Variants in METTL16 observed in about 807,000 individuals in gnomAD.
METTL16 encodes RNA N(6)-adenosine-methyltransferase METTL16.
METTL16 carries 19 observed loss-of-function variants against 57.9 expected under a neutral mutation model. That is an observed-to-expected ratio of 0.33 (90% CI 0.23 to 0.48). The LOEUF (loss-of-function observed/expected upper bound fraction) is 0.48. Among genes scored for constraint, METTL16 ranks in the 20% least tolerant of loss-of-function variants. METTL16 has a pLI of 0.99. For missense variants in METTL16, 434 were observed against 691.5 expected (o/e 0.63, Z 4.18); for synonymous variants, 246 against 255.6 (o/e 0.96, Z 0.36).
intron 1 of METTL16, among the ~76,000 whole-genome samples, chr17:2,506,709 C>G (rs4346235): frequency 0.56 from 84,214 of 151,396 alleles, 26,296 homozygotes; most frequent in Non-Finnish European, 0.72. Context: ...AGCCGCCACC[C>G]CGTCTGGGAA....
chr17:2,456,621 C>G (rs1439593107), intron 6 of METTL16, among the ~76,000 whole-genome samples: 1 of 152,082 alleles, frequency 6.6e-6, no homozygotes, highest in Non-Finnish European at 1.5e-5. Context: ...ACTATAGGAA[C>G]ATGCCACCAC....
chr17:2,448,681 AC>A (rs1305102866), intron 6 of METTL16, among the ~76,000 whole-genome samples: 5 of 118,564 alleles, frequency 4.2e-5, no homozygotes, highest in Non-Finnish European at 8.4e-5. Context: ...CCTTCCCTCC[AC>A]TATTGTCCTA....
chr17:2,484,026 G>C (rs1287397714), intron 2 of METTL16, among the ~76,000 whole-genome samples: 1 of 152,132 alleles, frequency 6.6e-6, no homozygotes, highest in Non-Finnish European at 1.5e-5. Context: ...ATGTTCAAAG[G>C]CTTAATATCT....
chr17:2,507,997 C>T (rs2067559855), intron 1 of METTL16, among the ~76,000 whole-genome samples: 1 of 152,058 alleles, frequency 6.6e-6, no homozygotes, highest in African/African-American at 2.4e-5. Flanking sequence ...TGCGGAAGGC[C>T]GCAGGGTTCT....
At chr17:2,482,812 G>C (rs947295650) in intron 2 of METTL16, among the ~76,000 whole-genome samples, 2 of 152,164 alleles carry the variant, frequency 1.3e-5, no homozygotes, top group African/African-American at 4.8e-5. Flanking sequence ...CGCTACGCAG[G>C]AGGCAGGAGG....
Position 2,465,336 on chromosome 17 carries a change from G to A in METTL16, c.586-986C>T, listed in dbSNP as rs2067184327. Among the ~76,000 whole-genome samples the A allele has an allele frequency of 2.0e-5, 3 of 151,666 alleles. No homozygotes were observed. The South Asian group carries it at 6.3e-4, about 32-fold the overall frequency. On this transcript the variant is annotated intron_variant, in intron 5 of 9. Coordinates refer to ENST00000263092, the MANE Select transcript of METTL16 (RefSeq NM_024086.4). Reference sequence around the variant, plus strand: ...AGGCGGGAGGATCACGAGGTCAGGAGATTGAGACCATCCTGGCTAACAAAG... The same window carrying A: ...AGGCGGGAGGATCACGAGGTCAGGAAATTGAGACCATCCTGGCTAACAAAG...
intron 7 of METTL16, among the ~76,000 whole-genome samples, chr17:2,439,118 A>AT (rs1567885819): frequency 6.6e-6 from 1 of 151,884 alleles, no homozygotes. Context: ...TTAAAAGAAA[A>AT]TTTTTTGGGG....
Position 2,453,435 on chromosome 17 carries a change from GGT to G in METTL16, c.728+10771_728+10772del, listed in dbSNP as rs2067085324. 4.6e-5 allele frequency among the ~76,000 whole-genome samples: 7 copies of G among 152,168 alleles called. No individual in the cohort carries two copies. The South Asian group carries it at 1.5e-3, about 32-fold the overall frequency. ...CTGATTTTACACAGTCCCTCAACTG[GGT>G]GTGTCTGAAGTTTCCACGTCATTGG... is the stretch of plus-strand genomic sequence containing the variant. On this transcript the variant is annotated intron_variant, in intron 6 of 9. Transcript: ENST00000263092.
intron 6 of METTL16, among the ~76,000 whole-genome samples, chr17:2,447,899 TGG>T (rs1419905351): frequency 8.7e-5 from 1 of 11,438 alleles, no homozygotes; most frequent in Admixed American, 8.5e-4. Flanking sequence ...GGGAGGGAGG[TGG>T]GGGGGGTCAG....
intron 5 of METTL16, among the ~76,000 whole-genome samples, chr17:2,466,527 T>C (rs1225173283): frequency 6.6e-6 from 1 of 152,152 alleles, no homozygotes; most frequent in Non-Finnish European, 1.5e-5. Context: ...GCCAATGAAC[T>C]TTCTTTGTCG....
At chr17:2,471,702 G>A (rs1401449583) in intron 4 of METTL16, among the ~76,000 whole-genome samples, 1 of 151,970 alleles carries the variant, frequency 6.6e-6, no homozygotes, top group Non-Finnish European at 1.5e-5. Flanking sequence ...GCAGGAGAAT[G>A]GTGTGAACCC....
In METTL16 at chr17:2,492,099, T is replaced by C. The variant is rs537910070; in HGVS notation, c.128+10105A>G. ...GGTGGCGGGTGCCTGTAGTCCCAGCTACTCGGGAGGCTGAGGTAGGAGAAT... is the reference window on the plus strand; with the variant it reads ...GGTGGCGGGTGCCTGTAGTCCCAGCCACTCGGGAGGCTGAGGTAGGAGAAT... On this transcript the variant is annotated intron_variant, in intron 2 of 9. Coordinates refer to ENST00000263092, the MANE Select transcript of METTL16 (RefSeq NM_024086.4). Among the ~76,000 whole-genome samples, 16 of 150,822 alleles carry C rather than the reference T, an allele frequency of 1.1e-4. No homozygotes were observed. In the East Asian group the frequency reaches 2.0e-3, roughly 18 times the overall value.
intron 4 of METTL16, among the ~76,000 whole-genome samples, chr17:2,471,315 G>T (rs2067233037): frequency 6.6e-6 from 1 of 152,156 alleles, no homozygotes; most frequent in Non-Finnish European, 1.5e-5. Context: ...GGGATTACAT[G>T]CATGCGCCAC....
intron 6 of METTL16, among the ~76,000 whole-genome samples, chr17:2,451,631 A>G (rs558509524): frequency 6.8e-4 from 103 of 151,280 alleles, no homozygotes; most frequent in Admixed American, 3.1e-3. Flanking sequence ...CAAAAAAAAA[A>G]AAAGAAAAGA....
chr17:2,464,812 T>G (rs1375958903), intron 5 of METTL16, among the ~76,000 whole-genome samples: 1 of 152,176 alleles, frequency 6.6e-6, no homozygotes, highest in Non-Finnish European at 1.5e-5. Context: ...ACTATAAATT[T>G]TCATGAGCTT....
chr17:2,480,775 T>C (rs999138622), intron 2 of METTL16, among the ~76,000 whole-genome samples: 3 of 152,166 alleles, frequency 2.0e-5, no homozygotes, highest in African/African-American at 7.2e-5. Flanking sequence ...TAGAATAAAA[T>C]ACATGAGTCC....
chr17:2,417,948 G>A lies in METTL16; in HGVS notation c.*2022C>T, dbSNP rs2066732676. 1.3e-5 allele frequency: 2 copies of A among 152,156 alleles called. No homozygotes were observed. The highest frequency in any genetic ancestry group is 4.1e-4 in the South Asian group (2 of 4,826). The allele number at this position is 152,156 out of a possible 1,614,324, so 9.4% of individuals were successfully genotyped here. ...GAAACTAGGTTTGGGCCCAGCAAAT[G>A]ACTCAAATGTAATATTCACTCGAGG... On this transcript the variant is annotated 3_prime_UTR_variant, in exon 10 of 10. Transcript: ENST00000263092.
intron 6 of METTL16, among the ~76,000 whole-genome samples, chr17:2,457,340 A>G (rs2067118926): frequency 1.0e-5 from 1 of 95,892 alleles, no homozygotes; most frequent in Admixed American, 9.9e-5. Flanking sequence ...TCCGTCTCAA[A>G]AAAAAAAAAA....
At chr17:2,440,675 A>T (rs1259296744) in intron 7 of METTL16, among the ~76,000 whole-genome samples, 1 of 152,188 alleles carries the variant, frequency 6.6e-6, no homozygotes, top group Non-Finnish European at 1.5e-5. Context: ...GTCCCAAAGG[A>T]AAAGAAATCA....
Sources: allele counts gnomAD v4.1 joint callset (sites outside exome capture counted in the v4.1 genomes callset), GRCh38; gene constraint gnomAD v4.1.1; transcripts MANE v1.5; gene names NCBI Gene and HGNC (gene_info 2026-07-23, HGNC 2026-07-21).